Variants in C1orf21 observed in about 807,000 individuals in gnomAD.
C1orf21 encodes the protein chromosome 1 open reading frame 21.
A neutral mutation model predicts 18.7 loss-of-function variants in C1orf21; 3 were observed. The observed-to-expected ratio is 0.16, with a 90% CI of 0.07 to 0.42. C1orf21 has a LOEUF of 0.42. C1orf21 is among the 10% of genes least tolerant of loss of function. C1orf21 has a pLI of 0.99. For synonymous variants in C1orf21, 41 were observed against 46.4 expected, an observed-to-expected ratio of 0.88 and a Z score of 0.47; for missense variants, 104 against 143.6, an observed-to-expected ratio of 0.72 and a Z score of 1.41.
rs8972 is a variant in C1orf21, at chr1:184,628,865, T to C, written c.*9309T>C. 20,000 of 152,570 alleles carry C rather than the reference T, an allele frequency of 0.13. 1,581 individuals are homozygous for C. Among genetic ancestry groups the C allele is most frequent in the Non-Finnish European group, 0.17 (11,838 of 67,964 alleles). The allele number at this position is 152,570 out of a possible 1,614,324, so 9.5% of individuals were successfully genotyped here. A position where few individuals can be genotyped will look rare whatever the true frequency, so the allele number is the denominator to read the frequency against. On this transcript the variant is annotated 3_prime_UTR_variant, in exon 6 of 6. Transcript: ENST00000235307. ...CATGTCGCTTGAATATTATTTTTGA[T>C]TTGACCACCAAGATGTAATGATGAT...
chr1:184,614,253 C>T (rs1407788988), intron 5 of C1orf21, among the ~76,000 whole-genome samples: 1 of 152,186 alleles, frequency 6.6e-6, no homozygotes, highest in Non-Finnish European at 1.5e-5. Context: ...TAAACACTTT[C>T]ATGTATATGC....
intron 3 of C1orf21, among the ~76,000 whole-genome samples, chr1:184,557,775 C>T (rs7520438): frequency 0.13 from 20,182 of 152,078 alleles, 2,525 homozygotes; most frequent in African/African-American, 0.33. Flanking sequence ...ACTTTGATGA[C>T]CTTTGGTTAT....
At chr1:184,460,558 C>T (rs1456894012) in intron 1 of C1orf21, among the ~76,000 whole-genome samples, 1 of 152,052 alleles carries the variant, frequency 6.6e-6, no homozygotes, top group African/African-American at 2.4e-5. Flanking sequence ...CTCACTAGGG[C>T]ACGGTACATC....
chr1:184,443,347 A>G (rs530425594), intron 1 of C1orf21, among the ~76,000 whole-genome samples: 152 of 152,104 alleles, frequency 1.0e-3, no homozygotes, highest in Admixed American at 1.8e-3. Flanking sequence ...TCTGAGGTGG[A>G]TAGTTATCTG....
At chr1:184,388,422 C>T (rs1043404364) in intron 1 of C1orf21, among the ~76,000 whole-genome samples, 8 of 152,182 alleles carry the variant, frequency 5.3e-5, no homozygotes, top group African/African-American at 1.9e-4. Context: ...CTTCCATTGC[C>T]GGTGGGTTAG....
At chr1:184,392,819 C>CTTTTTTTTT (rs397861528) in intron 1 of C1orf21, among the ~76,000 whole-genome samples, 2 of 96,822 alleles carry the variant, frequency 2.1e-5, no homozygotes, top group African/African-American at 8.3e-5. Context: ...GACATTCCTC[C>CTTTTTTTTT]TTTTTTTTTT....
intron 4 of C1orf21, among the ~76,000 whole-genome samples, chr1:184,591,754 A>C (rs570570657): frequency 4.6e-5 from 7 of 151,982 alleles, no homozygotes; most frequent in Non-Finnish European, 7.4e-5. Flanking sequence ...TGCAGTGAGC[A>C]GAGATGGCGC....
Position 184,477,473 on chromosome 1 carries a change from T to G in C1orf21, c.-37T>G. ...TGTCCCTGTGTCTGTAGAGATGATT[T>G]GCAGTTCAGCCCGGCTGAAGCTGAC... is the stretch of plus-strand genomic sequence containing the variant. On this transcript the variant is annotated 5_prime_UTR_variant, in exon 2 of 6. Transcript: ENST00000235307. 1 of 1,557,820 alleles carries G rather than the reference T, an allele frequency of 6.4e-7. No individual in the cohort carries two copies. Among genetic ancestry groups the G allele is most frequent in the Non-Finnish European group, 8.8e-7 (1 of 1,135,224 alleles).
intron 1 of C1orf21, among the ~76,000 whole-genome samples, chr1:184,394,935 G>A (rs1196000893): frequency 6.6e-6 from 1 of 151,834 alleles, no homozygotes; most frequent in Non-Finnish European, 1.5e-5. Flanking sequence ...GTCTAGATGC[G>A]ACTCCCAAAA....
At chr1:184,463,042 A>G (rs1324329797) in intron 1 of C1orf21, among the ~76,000 whole-genome samples, 1 of 145,250 alleles carries the variant, frequency 6.9e-6, no homozygotes, top group Non-Finnish European at 1.5e-5. Flanking sequence ...AGATCATGCC[A>G]TTGCACTCTG....
rs1265471817 is a variant in C1orf21, at chr1:184,403,434, G to A, written c.-125+16066G>A. On this transcript the variant is annotated intron_variant, in intron 1 of 5. Coordinates refer to ENST00000235307, the MANE Select transcript of C1orf21 (RefSeq NM_030806.4). ...ATAAATGGGAAGACTGCTAAGAAAA[G>A]CAGGGGAAGATTAACAAAATGCAGA... 3.3e-5 allele frequency among the ~76,000 whole-genome samples: 5 copies of A among 152,300 alleles called. No homozygotes were observed. The East Asian group carries it at 9.7e-4, about 29-fold the overall frequency.
chr1:184,492,425 G>A (rs1571383925), intron 2 of C1orf21, among the ~76,000 whole-genome samples: 1 of 152,322 alleles, frequency 6.6e-6, no homozygotes, highest in East Asian at 1.9e-4. Flanking sequence ...CTGCAGTGGA[G>A]CCATTGGCAA....
At chr1:184,438,493 C>T (rs1191307712) in intron 1 of C1orf21, among the ~76,000 whole-genome samples, 2 of 152,144 alleles carry the variant, frequency 1.3e-5, no homozygotes. Context: ...TGTTTCCAGA[C>T]ACTTTTCACC....
At chr1:184,579,636 G>A (rs149605500) in intron 3 of C1orf21, among the ~76,000 whole-genome samples, 2,116 of 150,522 alleles carry the variant, frequency 0.014, 47 homozygotes, top group African/African-American at 0.049. Context: ...TCAGCCTCCC[G>A]AGTAGCTGGG....
intron 3 of C1orf21, among the ~76,000 whole-genome samples, chr1:184,574,209 C>G (rs763895195): frequency 1.3e-5 from 2 of 151,318 alleles, no homozygotes; most frequent in Admixed American, 6.6e-5. Flanking sequence ...TGTCTCAAAA[C>G]GAAACAAAAA....
intron 1 of C1orf21, among the ~76,000 whole-genome samples, chr1:184,425,724 G>A (rs537814305): frequency 1.3e-3 from 198 of 152,214 alleles, no homozygotes; most frequent in South Asian, 2.3e-3. Flanking sequence ...AGCTTGAAAG[G>A]GCAAGGTCAG....
intron 1 of C1orf21, among the ~76,000 whole-genome samples, chr1:184,460,677 T>C (rs1483164439): frequency 8.9e-6 from 1 of 112,738 alleles, no homozygotes; most frequent in Non-Finnish European, 2.0e-5. Context: ...CTTCTTCTTC[T>C]TCTTCTTCTT....
At chr1:184,593,285 GTGTGTGTGTACACACACA>G (rs1319169877) in intron 4 of C1orf21, among the ~76,000 whole-genome samples, 1 of 152,072 alleles carries the variant, frequency 6.6e-6, no homozygotes, top group African/African-American at 2.4e-5. Context: ...GTGTGTGTGT[GTGTGTGTGTACACACACA>G]TGTGTGTATG....
chr1:184,525,968 T>C (rs530173865), intron 3 of C1orf21, among the ~76,000 whole-genome samples: 5 of 152,304 alleles, frequency 3.3e-5, no homozygotes, highest in African/African-American at 9.6e-5. Context: ...ATAAGGTAAA[T>C]ACATTCACCA....
Sources: allele counts gnomAD v4.1 joint callset (sites outside exome capture counted in the v4.1 genomes callset), GRCh38; gene constraint gnomAD v4.1.1; transcripts MANE v1.5; gene names NCBI Gene and HGNC (gene_info 2026-07-23, HGNC 2026-07-21).